The following RADIL variants were observed in gnomAD, a reference collection of about 807,000 sequenced individuals.
The protein encoded by RADIL is Rap associating with DIL domain.
RADIL carries 99 observed loss-of-function variants against 97.6 expected under a neutral mutation model. The ratio of observed to expected loss-of-function variants is 1.01; its 90% CI spans 0.86 to 1.20. The LOEUF is 1.20. Ranked by LOEUF, RADIL falls within the 50% of genes most tolerant of loss-of-function variation. The probability of loss-of-function intolerance (pLI) is 0.00; values close to 1 mark genes in which losing one functional copy is unlikely to be tolerated. For synonymous variants in RADIL, 803 were observed against 691.8 expected (o/e 1.16, Z -2.52); for missense variants, 1,765 against 1,498.9 (o/e 1.18, Z -2.93).
At chr7:4,861,807 T>A in intron 2 of RADIL, 1 of 1,373,566 alleles carries the variant, frequency 7.3e-7, no homozygotes, top group Non-Finnish European at 9.4e-7. Context: ...GGAAACGGCA[T>A]CATCTTTCAG....
rs1023676617 is a variant in RADIL at position 4,837,555 on chromosome 7, G to A, written c.536-950C>T. Among the ~76,000 whole-genome samples the A allele has an allele frequency of 1.3e-5, 2 of 151,988 alleles. No homozygotes were observed. Among genetic ancestry groups the A allele is most frequent in the South Asian group, 2.1e-4 (1 of 4,816 alleles). Reference sequence around the variant, plus strand: ...AAAGCAGGCACACACACAAACACACGTGTGCATACACATGCCCACAAATAC... The same window carrying A: ...AAAGCAGGCACACACACAAACACACATGTGCATACACATGCCCACAAATAC... On this transcript the variant is annotated intron_variant, in intron 2 of 14. Transcript: ENST00000399583. The surrounding 1 kb of genome is among the most constrained non-coding windows in gnomAD (Gnocchi z 5.6).
In RADIL at chr7:4,880,018, G is replaced by A. The variant is rs751991859; in HGVS notation, c.-64-1815C>T. ...CACCAGAGACTGGGTTCCCAACGCG[G>A]ACGTCTGCCCTGCGGGGTGGGTGGC... is the stretch of plus-strand genomic sequence containing the variant. On this transcript the variant is annotated intron_variant, in intron 1 of 14. Coordinates refer to ENST00000399583, the MANE Select transcript of RADIL (RefSeq NM_018059.5). The surrounding 1 kb of genome is among the most constrained non-coding windows in gnomAD (Gnocchi z 4.5). 3.5e-4 allele frequency among the ~76,000 whole-genome samples: 53 copies of A among 152,194 alleles called. 1 individual carries two copies. The highest frequency in any genetic ancestry group is 1.3e-3 in the African/African-American group (53 of 41,462).
intron 9 of RADIL, among the ~76,000 whole-genome samples, chr7:4,809,783 A>G (rs1445660131): frequency 6.6e-6 from 1 of 151,832 alleles, no homozygotes; most frequent in African/African-American, 2.4e-5. Context: ...CCCGAGTTCA[A>G]GTGATTCATA....
chr7:4,839,865 G>C (rs1273466739), intron 2 of RADIL, among the ~76,000 whole-genome samples: 1 of 152,028 alleles, frequency 6.6e-6, no homozygotes, highest in Non-Finnish European at 1.5e-5. Context: ...TCCTGCCTCA[G>C]CCTCCCAAGT....
intron 2 of RADIL, among the ~76,000 whole-genome samples, chr7:4,855,636 A>G (rs1369801336): frequency 2.0e-5 from 3 of 151,172 alleles, no homozygotes; most frequent in Non-Finnish European, 2.9e-5. Flanking sequence ...AAAAAAAAAA[A>G]AAAAAAAAAA....
chr7:4,799,570 T>C, intron 14 of RADIL, 60 bp downstream of exon 14: 16 of 1,609,976 alleles, frequency 9.9e-6, no homozygotes, highest in Non-Finnish European at 1.3e-5. Context: ...TTACCCCAGG[T>C]CCACTCCCCT....
At chr7:4,838,136 C>T (rs1354682703) in intron 2 of RADIL, 122 of 872,610 alleles carry the variant, frequency 1.4e-4, no homozygotes, top group Non-Finnish European at 1.7e-4. Context: ...GCTCACCACC[C>T]GTGCTCCTGC....
rs1489131540 is a variant in RADIL at position 4,867,382 on chromosome 7, G to A, written c.535+10223C>T. 1.3e-5 allele frequency among the ~76,000 whole-genome samples: 2 copies of A among 152,118 alleles called. No homozygotes were observed. The highest frequency in any genetic ancestry group is 2.9e-5 in the Non-Finnish European group (2 of 68,022). On this transcript the variant is annotated intron_variant, in intron 2 of 14. Coordinates refer to ENST00000399583, the MANE Select transcript of RADIL (RefSeq NM_018059.5). This position sits in a 1 kb window ranked among gnomAD's most constrained non-coding sequence, Gnocchi z 4.1. Reference sequence around the variant, plus strand: ...TAGGAAGAAGCTGTACCCAATTTGAGTGTCTGTGCTTAAGGAAATGAATAT... The same window carrying A: ...TAGGAAGAAGCTGTACCCAATTTGAATGTCTGTGCTTAAGGAAATGAATAT...
Position 4,817,272 on chromosome 7 carries a change from G to A in RADIL, c.1695C>T (p.Tyr565=), listed in dbSNP as rs372220510. 44 of 1,612,606 alleles carry A rather than the reference G, an allele frequency of 2.7e-5. No homozygotes were observed. In the Admixed American group the frequency reaches 3.0e-4, roughly 11 times the overall value. ...CATAGTAGACGCACTGCTGGAAGGC[G>A]TACAGCACCACCTCCTCCAGCACCG... ...AMAVLEEVVL[Y]AFQQCVYYVS... Residue 565 remains tyrosine, a synonymous_variant, in exon 7 of 15, where the codon TAC becomes TAT. Transcript: ENST00000399583. This position sits in a 1 kb window ranked among gnomAD's most constrained non-coding sequence, Gnocchi z 8.3.
intron 5 of RADIL, among the ~76,000 whole-genome samples, chr7:4,825,621 A>G (rs1054196258): frequency 5.9e-5 from 9 of 152,208 alleles, no homozygotes; most frequent in African/African-American, 2.2e-4. Flanking sequence ...TCACGCCTGT[A>G]ATCCCAGCAC....
Position 4,837,917 on chromosome 7 carries a change from T to A in RADIL, c.536-1312A>T, listed in dbSNP as rs1026153348. On this transcript the variant is annotated intron_variant, in intron 2 of 14. Transcript: ENST00000399583. This position sits in a 1 kb window ranked among gnomAD's most constrained non-coding sequence, Gnocchi z 5.6. ...TTTCAGGTTAAGATCCATCCCCATC[T>A]GTGGCGGCCTTTCCTCCAACCATTC... The A allele has an allele frequency of 2.0e-6, 2 of 985,436 alleles. No individual in the cohort carries two copies. Among genetic ancestry groups the A allele is most frequent in the Non-Finnish European group, 2.4e-6 (2 of 829,944 alleles). The allele number at this position is 985,436 out of a possible 1,614,324, so 61.0% of individuals were successfully genotyped here. A position where few individuals can be genotyped will look rare whatever the true frequency, so the allele number is the denominator to read the frequency against.
Position 4,805,863 on chromosome 7 carries a change from C to T in RADIL, c.2140-147G>A, listed in dbSNP as rs977025367. The T allele has an allele frequency of 2.2e-5, 30 of 1,387,312 alleles. 1 individual carries two copies. The highest frequency in any genetic ancestry group is 2.5e-5 in the Non-Finnish European group (27 of 1,068,968). 85.9% of individuals were successfully genotyped at this position (1,387,312 alleles called of 1,614,324 possible). On this transcript the variant is annotated intron_variant, in intron 9 of 14. Transcript: ENST00000399583. ...CACCAGGGGCCATCTGTGAGGGGGA[C>T]GGTGTCACAGCAGCAGTTCACCCCT...
intron 5 of RADIL, among the ~76,000 whole-genome samples, chr7:4,826,745 C>A (rs368721625): frequency 0.023 from 2,967 of 128,286 alleles, 38 homozygotes; most frequent in Middle Eastern, 0.043. Flanking sequence ...AAAAAAAAAA[C>A]AAAAAAAAAA....
At chr7:4,830,332 G>A (rs968804154) in intron 5 of RADIL, among the ~76,000 whole-genome samples, 11 of 152,152 alleles carry the variant, frequency 7.2e-5, no homozygotes, top group Non-Finnish European at 1.0e-4. Context: ...GGGCCCACTC[G>A]AGAGTGGGAG....
In RADIL at chr7:4,815,435, C is replaced by T. The variant is rs1782651786; in HGVS notation, c.1982G>A (p.Cys661Tyr). ...QLLDRGPSLS[C>Y]FHWPRGVQAC... The stretch of plus-strand genomic sequence containing the variant: ...CTGGACACCTCTGGGCCAGTGGAAG[C>T]AGCTCAGGGAGGGGCCTGTGGAGGG... The change falls in exon 9 of 15, where the codon TGC becomes TAC. Residue 661 changes from cysteine to tyrosine, a missense_variant. Coordinates refer to ENST00000399583, the MANE Select transcript of RADIL (RefSeq NM_018059.5). The surrounding 1 kb of genome is among the most constrained non-coding windows in gnomAD (Gnocchi z 8.0). 6.5e-7 allele frequency: 1 copy of T among 1,534,518 alleles called. No homozygotes were observed.
Position 4,854,165 on chromosome 7 carries a change from A to G in RADIL, c.536-17560T>C, listed in dbSNP as rs1394682427. 6.6e-6 allele frequency among the ~76,000 whole-genome samples: 1 copy of G among 152,178 alleles called. No individual in the cohort carries two copies. Among genetic ancestry groups the G allele is most frequent in the Admixed American group, 6.5e-5 (1 of 15,280 alleles). On this transcript the variant is annotated intron_variant, in intron 2 of 14. Coordinates refer to ENST00000399583, the MANE Select transcript of RADIL (RefSeq NM_018059.5). This position sits in a 1 kb window ranked among gnomAD's most constrained non-coding sequence, Gnocchi z 5.1. ...TGAGGTAACCCTGAAGATAGAAGGC[A>G]TGAACTAGAATGATGGGGCCGAAAG...
At chr7:4,882,502 G>A (rs1784507099) in intron 1 of RADIL, among the ~76,000 whole-genome samples, 1 of 152,162 alleles carries the variant, frequency 6.6e-6, no homozygotes, top group Non-Finnish European at 1.5e-5. Flanking sequence ...TGAAAAACAA[G>A]CTCAAGTCCC....
chr7:4,828,006 G>T (rs939866974), intron 5 of RADIL, among the ~76,000 whole-genome samples: 28 of 152,144 alleles, frequency 1.8e-4, no homozygotes, highest in Non-Finnish European at 2.8e-4. Flanking sequence ...TTCTCGGGGA[G>T]ATGCCAATCA....
At chr7:4,812,731 A>T (rs1782579757) in intron 9 of RADIL, among the ~76,000 whole-genome samples, 1 of 152,044 alleles carries the variant, frequency 6.6e-6, no homozygotes, top group Non-Finnish European at 1.5e-5. Flanking sequence ...CTCTTATTCA[A>T]CTTTTCAAAG....
Sources: allele counts gnomAD v4.1 joint callset (sites outside exome capture counted in the v4.1 genomes callset), GRCh38; gene constraint gnomAD v4.1.1; non-coding constraint Gnocchi (gnomAD v3.1); transcripts MANE v1.5; gene names NCBI Gene and HGNC (gene_info 2026-07-23, HGNC 2026-07-21).